Variants in MED15 observed in about 807,000 individuals in gnomAD.
MED15 encodes mediator complex subunit 15, also known as mediator of RNA polymerase II transcription subunit 15.
Under a neutral mutation model 118.7 loss-of-function variants are expected in MED15, and 41 were observed. The observed-to-expected ratio is 0.35, with a 90% CI of 0.27 to 0.45. The LOEUF is 0.45. Among genes scored for constraint, MED15 ranks in the 20% least tolerant of loss-of-function variants. MED15 has a pLI of 1.00. For synonymous variants in MED15, 436 were observed against 413.9 expected (o/e 1.05, Z -0.65); for missense variants, 740 against 1,025.5 (o/e 0.72, Z 3.80).
chr22:20,539,281 T>G (rs1232799244), intron 2 of MED15, among the ~76,000 whole-genome samples: 2 of 151,106 alleles, frequency 1.3e-5, no homozygotes, highest in African/African-American at 4.9e-5. Flanking sequence ...GTATTTTTAG[T>G]AGAGATGGGT....
chr22:20,540,144 C>G (rs929589746), intron 2 of MED15, among the ~76,000 whole-genome samples: 3 of 151,990 alleles, frequency 2.0e-5, no homozygotes, highest in Non-Finnish European at 4.4e-5. Context: ...AGCAGGACAC[C>G]TCTCATAAGA....
At chr22:20,530,717 G>A (rs1188640169) in intron 1 of MED15, among the ~76,000 whole-genome samples, 3 of 152,080 alleles carry the variant, frequency 2.0e-5, no homozygotes, top group Non-Finnish European at 4.4e-5. Flanking sequence ...GGGGTGGGGA[G>A]GCCAGTTCAT....
At chr22:20,524,526 G>A (rs919406342) in intron 1 of MED15, among the ~76,000 whole-genome samples, 4 of 152,210 alleles carry the variant, frequency 2.6e-5, no homozygotes, top group African/African-American at 4.8e-5. Flanking sequence ...TGCCTGTGCC[G>A]TTGGCCTCAC....
At chr22:20,585,927 TGCCCCTCCCCAGCTCAG>T in intron 17 of MED15, 101 bp downstream of exon 17, 2 of 1,095,838 alleles carry the variant, frequency 1.8e-6, no homozygotes, top group Non-Finnish European at 2.7e-6. Flanking sequence ...TGTGTGCTCC[TGCCCCTCCCCAGCTCAG>T]GCCCCTCCCT....
chr22:20,586,015 A>G (rs1228192004), intron 17 of MED15, among the ~76,000 whole-genome samples, 189 bp downstream of exon 17: 1 of 152,140 alleles, frequency 6.6e-6, no homozygotes, highest in African/African-American at 2.4e-5. Context: ...GCCTGAGAGA[A>G]AAGGGTCTCT....
In MED15 at chr22:20,587,489, G is replaced by A. The variant is rs1037882160; in HGVS notation, c.*785G>A. On this transcript the variant is annotated 3_prime_UTR_variant, in exon 18 of 18. Coordinates refer to ENST00000263205, the MANE Select transcript of MED15 (RefSeq NM_001003891.3). ...CGGGCCTGGCAGCGGGCCGGGCCAT[G>A]CAGGGAGCGCCTCCCTATGTTGCCT... The A allele has an allele frequency of 8.3e-5, 20 of 240,164 alleles. No individual in the cohort carries two copies. In the East Asian group the frequency reaches 1.7e-3, roughly 21 times the overall value. 14.9% of individuals were successfully genotyped at this position (240,164 alleles called of 1,614,324 possible). A position where few individuals can be genotyped will look rare whatever the true frequency, so the allele number is the denominator to read the frequency against.
chr22:20,553,373 G>C (rs747643667), intron 4 of MED15, among the ~76,000 whole-genome samples, 199 bp downstream of exon 4: 1 of 152,134 alleles, frequency 6.6e-6, no homozygotes, highest in Admixed American at 6.5e-5. Flanking sequence ...CTGTGAAGTC[G>C]CATGATCCTC....
At chr22:20,562,409 GAGTCTCACTCTGTC>G (rs2056277773) in intron 5 of MED15, among the ~76,000 whole-genome samples, 1 of 97,888 alleles carries the variant, frequency 1.0e-5, no homozygotes, top group East Asian at 2.6e-4. Flanking sequence ...TTTTGAGACA[GAGTCTCACTCTGTC>G]ACCCAGGCTG....
intron 1 of MED15, chr22:20,524,467 G>A (rs1342696046): frequency 7.1e-6 from 1 of 140,984 alleles, no homozygotes; most frequent in Non-Finnish European, 1.6e-5. Context: ...CAGCCAGAAG[G>A]CACCTCTCAG....
At chr22:20,518,503 G>A (rs1193814809) in intron 1 of MED15, among the ~76,000 whole-genome samples, 1 of 152,160 alleles carries the variant, frequency 6.6e-6, no homozygotes, top group Non-Finnish European at 1.5e-5. Flanking sequence ...ATCCCCTCCA[G>A]ATGACCCCTG....
intron 2 of MED15, among the ~76,000 whole-genome samples, chr22:20,544,194 G>A (rs1227643943): frequency 2.0e-5 from 3 of 152,112 alleles, no homozygotes; most frequent in African/African-American, 7.2e-5. Context: ...TCTACCCACA[G>A]CCTGTTCAAG....
At chr22:20,520,727 G>A (rs1294869478) in intron 1 of MED15, among the ~76,000 whole-genome samples, 11 of 152,094 alleles carry the variant, frequency 7.2e-5, no homozygotes. Flanking sequence ...GAATCTCTGT[G>A]CAATCACACT....
At chr22:20,575,341 G>A in intron 9 of MED15, 109 bp downstream of exon 9, 1 of 1,386,592 alleles carries the variant, frequency 7.2e-7, no homozygotes, top group Non-Finnish European at 9.5e-7. Context: ...TTTTATGGTG[G>A]CTTTCAGAGT....
rs2056787312 is a variant in MED15, at chr22:20,575,203, A to G, written c.1243A>G (p.Ile415Val). Residue 415 changes from isoleucine to valine, a missense_variant, in exon 9 of 18, where the codon ATC becomes GTC. Physicochemically the swap from Ile to Val is conservative, Grantham distance 29 (BLOSUM62 3). Around this residue, in one of 7 missense-constraint regions of MED15, gnomAD observed 384 missense variants for 506.3 expected, o/e 0.76. Coordinates refer to ENST00000263205, the MANE Select transcript of MED15 (RefSeq NM_001003891.3). ...TGTGTCCGCCATCCCGTCAAGCTCCATCCCTTTGGGCAGACAGCCCATGGC... is the reference window on the plus strand; with the variant it reads ...TGTGTCCGCCATCCCGTCAAGCTCCGTCCCTTTGGGCAGACAGCCCATGGC... ...TAVSAIPSSS[I>V]PLGRQPMAQV... The G allele has an allele frequency of 6.2e-7, 1 of 1,613,948 alleles. No individual in the cohort carries two copies. The highest frequency in any genetic ancestry group is 1.7e-5 in the Admixed American group (1 of 60,002).
chr22:20,559,647 C>T (rs1250535490), intron 5 of MED15, among the ~76,000 whole-genome samples: 1 of 152,166 alleles, frequency 6.6e-6, no homozygotes, highest in Non-Finnish European at 1.5e-5. Context: ...TGAGTACACT[C>T]AGCAGTAGAG....
At chr22:20,555,603 T>C (rs1264306064) in intron 5 of MED15, among the ~76,000 whole-genome samples, 2 of 152,252 alleles carry the variant, frequency 1.3e-5, no homozygotes, top group South Asian at 2.1e-4. Context: ...GCTTCCTTTC[T>C]GTGAAGGAGA....
At chr22:20,551,253 C>T (rs888780086) in intron 2 of MED15, 183 bp from the exon 3 acceptor site, 8 of 733,934 alleles carry the variant, frequency 1.1e-5, no homozygotes, top group Middle Eastern at 2.3e-4. Context: ...TATTGGCCAG[C>T]CTAGCTGAGC....
rs1363007869 is a variant in MED15, at chr22:20,555,219, A to G, written c.451+71A>G. 5 of 1,388,632 alleles carry G rather than the reference A, an allele frequency of 3.6e-6. No homozygotes were observed. In the African/African-American group the frequency reaches 7.2e-5, roughly 20 times the overall value. The allele number at this position is 1,388,632 out of a possible 1,614,324, so 86.0% of individuals were successfully genotyped here. A position where few individuals can be genotyped will look rare whatever the true frequency, so the allele number is the denominator to read the frequency against. The stretch of plus-strand genomic sequence containing the variant: ...GACAACACATTTTATTCCTGTGCTT[A>G]TGATGGTATCAAGAAAAGCATGGAG... On this transcript the variant is annotated intron_variant, in intron 5 of 17. Coordinates refer to ENST00000263205, the MANE Select transcript of MED15 (RefSeq NM_001003891.3).
intron 1 of MED15, among the ~76,000 whole-genome samples, chr22:20,529,011 G>T (rs2054757374): frequency 6.6e-6 from 1 of 152,126 alleles, no homozygotes; most frequent in Admixed American, 6.6e-5. Context: ...AAGACCTAGG[G>T]CTGTCACTGG....
Sources: gnomAD v4.1 joint callset for allele counts (sites outside exome capture counted in the v4.1 genomes callset) on GRCh38, gnomAD v4.1.1 for gene constraint, gnomAD v4.1.1 regional missense constraint, MANE v1.5 for transcripts, NCBI Gene and HGNC (gene_info 2026-07-23, HGNC 2026-07-21) for gene names.